Variants in PCDHGA3 observed in about 807,000 individuals in gnomAD.
PCDHGA3 encodes the protein protocadherin gamma subfamily A, 3.
Under a neutral mutation model 58.5 loss-of-function variants are expected in PCDHGA3, and 40 were observed. The ratio of observed to expected loss-of-function variants is 0.68; its 90% CI spans 0.53 to 0.89. The LOEUF (loss-of-function observed/expected upper bound fraction) is 0.89, where lower values mean the gene tolerates loss of function less well. PCDHGA3 is among the 40% of genes least tolerant of loss of function. The pLI is 0.00. For synonymous variants in PCDHGA3, 530 were observed against 525.7 expected (o/e 1.01, Z -0.11); for missense variants, 1,223 against 1,195.9 (o/e 1.02, Z -0.33).
In PCDHGA3 at chr5:141,430,991, A is replaced by G. The variant is rs2097333608; in HGVS notation, c.2425-63816A>G. 2.5e-6 allele frequency: 4 copies of G among 1,613,862 alleles called. No individual in the cohort carries two copies. In the East Asian group the frequency reaches 8.9e-5, roughly 36 times the overall value. ...AGGTAGGACGCAGCTTTTCGCCCTGAATCCGCGCAGCGGCAGCTTGGTCAC... is the reference window on the plus strand; with the variant it reads ...AGGTAGGACGCAGCTTTTCGCCCTGGATCCGCGCAGCGGCAGCTTGGTCAC... On this transcript the variant is annotated intron_variant, in intron 1 of 3. Coordinates refer to ENST00000253812, the MANE Select transcript of PCDHGA3 (RefSeq NM_018916.4).
chr5:141,347,542 T>A (rs1350784057), intron 1 of PCDHGA3, among the ~76,000 whole-genome samples: 1 of 151,958 alleles, frequency 6.6e-6, no homozygotes, highest in South Asian at 2.1e-4. Flanking sequence ...ATCCCAGCAC[T>A]TTGGGAGGCT....
At chr5:141,355,738 C>T in intron 1 of PCDHGA3, 1 of 1,613,980 alleles carries the variant, frequency 6.2e-7, no homozygotes, top group African/African-American at 1.3e-5. Context: ...TTACTTTTCC[C>T]TGGACGTGCA....
chr5:141,463,018 T>C (rs1318740358), intron 1 of PCDHGA3, among the ~76,000 whole-genome samples: 1 of 152,212 alleles, frequency 6.6e-6, no homozygotes, highest in Admixed American at 6.5e-5. Flanking sequence ...AATTCTGACT[T>C]TTTTGATTAA....
At chr5:141,365,163 C>A in intron 1 of PCDHGA3, 1 of 1,613,918 alleles carries the variant, frequency 6.2e-7, no homozygotes, top group Non-Finnish European at 8.5e-7. Flanking sequence ...GGGAAATTGA[C>A]CTACTCTTTT....
rs143779180 is a variant in PCDHGA3, at chr5:141,485,438, C to T, written c.2425-9369C>T. Reference sequence around the variant, plus strand: ...CAGCGGAGCCCTGCTCATCAAGAACCCAATCGACCGAGAGGCACTGTGTGG... The same window carrying T: ...CAGCGGAGCCCTGCTCATCAAGAACTCAATCGACCGAGAGGCACTGTGTGG... On this transcript the variant is annotated intron_variant, in intron 1 of 3. Transcript: ENST00000253812. This position sits in a 1 kb window ranked among gnomAD's most constrained non-coding sequence, Gnocchi z 5.7. 2.9e-5 allele frequency: 47 copies of T among 1,614,052 alleles called. No individual in the cohort carries two copies. The highest frequency in any genetic ancestry group is 4.0e-5 in the African/African-American group (3 of 74,924).
intron 1 of PCDHGA3, chr5:141,392,843 C>T (rs77141792): frequency 0.027 from 43,247 of 1,608,962 alleles, 854 homozygotes; most frequent in African/African-American, 0.093. Context: ...GCCCCAGACG[C>T]GGCGAGCTGA....
intron 1 of PCDHGA3, chr5:141,357,084 C>G (rs1399515564): frequency 3.1e-6 from 5 of 1,613,794 alleles, no homozygotes; most frequent in Admixed American, 1.7e-5. Context: ...AGGTGCGCAC[C>G]GCACGGGCCC....
At chr5:141,415,746 T>G (rs766611858) in intron 1 of PCDHGA3, 17 of 662,556 alleles carry the variant, frequency 2.6e-5, no homozygotes, top group East Asian at 1.1e-4. Context: ...TAAGGTTTTT[T>G]TTTTTTTTTT....
chr5:141,383,273 A>G, intron 1 of PCDHGA3: 1 of 1,613,960 alleles, frequency 6.2e-7, no homozygotes, highest in Non-Finnish European at 8.5e-7. Flanking sequence ...GAAATAATAG[A>G]TATTAATGAC....
chr5:141,445,621 G>A (rs1216813961), intron 1 of PCDHGA3, among the ~76,000 whole-genome samples: 4 of 151,996 alleles, frequency 2.6e-5, no homozygotes, highest in African/African-American at 7.2e-5. Flanking sequence ...TCTTTTTTTC[G>A]GAAAGTGATA....
intron 1 of PCDHGA3, chr5:141,398,802 C>A: frequency 6.2e-7 from 1 of 1,613,982 alleles, no homozygotes; most frequent in Non-Finnish European, 8.5e-7. Context: ...TAAGCGGCAC[C>A]ACTGAGCTCC....
chr5:141,390,587 A>T (rs1043489470), intron 1 of PCDHGA3: 1 of 340,604 alleles, frequency 2.9e-6, no homozygotes, highest in Non-Finnish European at 5.3e-6. Flanking sequence ...AAAGTGAATG[A>T]GATTTTTCCT....
At position 141,486,190 on chromosome 5, in the gene PCDHGA3, T is replaced by A; in HGVS notation, c.2425-8617T>A. Reference sequence around the variant, plus strand: ...AGCAACATTGCAGCCTTCGAGTGGATCTGCTGGACGTAAATGACAATGCCC... The same window carrying A: ...AGCAACATTGCAGCCTTCGAGTGGAACTGCTGGACGTAAATGACAATGCCC... On this transcript the variant is annotated intron_variant, in intron 1 of 3. Transcript: ENST00000253812. The surrounding 1 kb of genome is among the most constrained non-coding windows in gnomAD (Gnocchi z 5.0). 1 of 1,614,122 alleles carries A rather than the reference T, an allele frequency of 6.2e-7. No individual in the cohort carries two copies. Among genetic ancestry groups the A allele is most frequent in the South Asian group, 1.1e-5 (1 of 91,070 alleles).
chr5:141,423,082 G>A (rs1390567548), intron 1 of PCDHGA3: 3 of 1,614,078 alleles, frequency 1.9e-6, no homozygotes, highest in Admixed American at 1.7e-5. Flanking sequence ...GGGACTCTTC[G>A]CGGTGGGGGA....
chr5:141,359,973 A>C, intron 1 of PCDHGA3: 1 of 703,560 alleles, frequency 1.4e-6, no homozygotes, highest in Non-Finnish European at 2.1e-6. Flanking sequence ...AGCGTTTGGG[A>C]GCCTCTTAGA....
At chr5:141,371,456 A>G (rs755481962) in intron 1 of PCDHGA3, 2 of 1,614,020 alleles carry the variant, frequency 1.2e-6, no homozygotes, top group South Asian at 1.1e-5. Context: ...CTGAATCCCA[A>G]CATATACAAG....
chr5:141,458,597 T>C (rs940896214), intron 1 of PCDHGA3, among the ~76,000 whole-genome samples: 18 of 151,988 alleles, frequency 1.2e-4, no homozygotes, highest in Non-Finnish European at 2.4e-4. Context: ...TGGAGACGAG[T>C]CTCACTCTGT....
rs58019021 is a variant in PCDHGA3, at chr5:141,500,184, T to TTTTATTTATTTA, written c.2484-5178_2484-5167dup. Among the ~76,000 whole-genome samples, 232 of 135,962 alleles carry TTTTATTTATTTA rather than the reference T, an allele frequency of 1.7e-3. 1 individual carries two copies. The highest frequency in any genetic ancestry group is 6.4e-3 in the South Asian group (27 of 4,202). The allele number at this position is 135,962 out of a possible 152,430, so 89.2% of individuals were successfully genotyped here. A position where few individuals can be genotyped will look rare whatever the true frequency, so the allele number is the denominator to read the frequency against. The stretch of plus-strand genomic sequence containing the variant: ...GAACATGCATGAGCTTCATTTTTAT[T>TTTTATTTATTTA]TTTATTTATTTATTTATTTATTTAT... On this transcript the variant is annotated intron_variant, in intron 2 of 3. Transcript: ENST00000253812.
At position 141,403,020 on chromosome 5, in the gene PCDHGA3, T is replaced by A. The variant is rs761279674; in HGVS notation, c.2424+56563T>A. ...CTGCTATGCTCGCTCCTGGGGATGCTATGGGAGGCCAGGGCCAGTCAGATT... is the reference window on the plus strand; with the variant it reads ...CTGCTATGCTCGCTCCTGGGGATGCAATGGGAGGCCAGGGCCAGTCAGATT... On this transcript the variant is annotated intron_variant, in intron 1 of 3. Transcript: ENST00000253812. The A allele has an allele frequency of 8.1e-6, 13 of 1,614,034 alleles. 1 individual carries two copies. The South Asian group carries it at 1.4e-4, about 18-fold the overall frequency.
Sources: gnomAD v4.1 joint callset for allele counts (sites outside exome capture counted in the v4.1 genomes callset) on GRCh38, gnomAD v4.1.1 for gene constraint, Gnocchi (gnomAD v3.1) non-coding constraint, MANE v1.5 for transcripts, NCBI Gene and HGNC (gene_info 2026-07-23, HGNC 2026-07-21) for gene names.